The following FAM169A variants were observed in gnomAD, a reference collection of about 807,000 sequenced individuals.
FAM169A encodes soluble lamin-associated protein of 75 kDa.
A neutral mutation model predicts 75.7 loss-of-function variants in FAM169A; 24 were observed. The observed-to-expected ratio is 0.32, with a 90% CI of 0.23 to 0.45. The LOEUF (loss-of-function observed/expected upper bound fraction) is 0.45. FAM169A is among the 20% of genes least tolerant of loss of function. The pLI is 1.00. For missense variants in FAM169A, 673 were observed against 784.0 expected, an observed-to-expected ratio of 0.86 and a Z score of 1.69; for synonymous variants, 271 against 271.0, an observed-to-expected ratio of 1.00 and a Z score of 0.00.
chr5:74,801,612 A>T lies in FAM169A; in HGVS notation c.930T>A (p.Asp310Glu), dbSNP rs2112530646. The T allele has an allele frequency of 1.2e-6, 2 of 1,610,712 alleles. No homozygotes were observed. The highest frequency in any genetic ancestry group is 1.1e-5 in the South Asian group (1 of 90,326). The stretch of plus-strand genomic sequence containing the variant: ...TACCTTCGGAAGTGCTTGCAAAGGC[A>T]TCTTTTAGAGAATCAATCTAAAAAA... ...EMQLTIDSLK[D>E]AFASTSEGHD... Residue 310 changes from aspartate (D) to glutamate (E), a missense_variant, in exon 9 of 13, where the codon GAT becomes GAA. Around this residue, in one of 3 missense-constraint regions of FAM169A, gnomAD observed 510 missense variants for 550.9 expected, o/e 0.93. Coordinates refer to ENST00000687041, the MANE Select transcript of FAM169A (RefSeq NM_001376049.1).
At chr5:74,784,689 C>T (rs368303105) in intron 11 of FAM169A, among the ~76,000 whole-genome samples, 20 of 145,974 alleles carry the variant, frequency 1.4e-4, no homozygotes, top group Non-Finnish European at 2.2e-4. Flanking sequence ...GAGGCCGAGG[C>T]GGGCGGATCA....
rs370761667 is a variant in FAM169A at position 74,805,976 on chromosome 5, C to CAAAA, written c.671-696_671-693dup. On this transcript the variant is annotated intron_variant, in intron 6 of 12. Coordinates refer to ENST00000687041, the MANE Select transcript of FAM169A (RefSeq NM_001376049.1). ...CTATTATACATGAATTTAAAAGCTC[C>CAAAA]AAAAAAAAAAAAAAAAAGAAATAAT... 4.3e-4 allele frequency among the ~76,000 whole-genome samples: 37 copies of CAAAA among 85,234 alleles called. 1 individual carries two copies. Among genetic ancestry groups the CAAAA allele is most frequent in the African/African-American group, 9.8e-4 (23 of 23,430 alleles). The allele number at this position is 85,234 out of a possible 152,430, so 55.9% of individuals were successfully genotyped here.
At chr5:74,855,438 T>C (rs549999328) in intron 1 of FAM169A, among the ~76,000 whole-genome samples, 3 of 152,312 alleles carry the variant, frequency 2.0e-5, no homozygotes, top group African/African-American at 7.2e-5. Context: ...GCTCGAGCAA[T>C]CTGCCCACCT....
intron 1 of FAM169A, among the ~76,000 whole-genome samples, chr5:74,845,480 T>C (rs1462899609): frequency 1.3e-5 from 2 of 152,170 alleles, no homozygotes; most frequent in African/African-American, 4.8e-5. Flanking sequence ...ATTGTGCCAC[T>C]GCACTCCAGC....
Position 74,781,717 on chromosome 5 carries a change from G to A in FAM169A, c.1756C>T (p.Leu586Phe). ...ACCTCTATCAAAGAACTCTGAGGAA[G>A]AGCAGTAGATGTTTCCTGGGGCTCA... ...VSEPQETSTA[L>F]PQSSLIEVEL... is the part of the protein sequence containing the mutation. The change falls in exon 13 of 13, where the codon CTT becomes TTT. Residue 586 changes from leucine (L) to phenylalanine (F), a missense_variant. By Grantham distance (22) the Leu-to-Phe change is conservative. Transcript: ENST00000687041. 1 of 1,614,188 alleles carries A rather than the reference G, an allele frequency of 6.2e-7. No homozygotes were observed.
chr5:74,843,627 T>C (rs1748998724), intron 1 of FAM169A, among the ~76,000 whole-genome samples: 1 of 152,188 alleles, frequency 6.6e-6, no homozygotes, highest in African/African-American at 2.4e-5. Flanking sequence ...AAATGAGACA[T>C]TAATTTTGCT....
intron 5 of FAM169A, among the ~76,000 whole-genome samples, chr5:74,824,167 T>C (rs940703174): frequency 1.3e-5 from 2 of 152,176 alleles, no homozygotes; most frequent in African/African-American, 4.8e-5. Flanking sequence ...TGGGCTAAAC[T>C]GACTTATAGT....
chr5:74,844,142 G>A (rs575034519), intron 1 of FAM169A, among the ~76,000 whole-genome samples: 108 of 152,230 alleles, frequency 7.1e-4, no homozygotes, highest in Non-Finnish European at 1.1e-3. Context: ...GAGAGTATCC[G>A]GATTTATTTA....
rs1335492263 is a variant in FAM169A at position 74,777,984 on chromosome 5, T to C, written c.*3476A>G. On this transcript the variant is annotated 3_prime_UTR_variant, in exon 13 of 13. Transcript: ENST00000687041. ...CACTTGATGACAGAAGGTAAGCCTT[T>C]CTTACAATTAGATTTTAGCAGATAA... The C allele has an allele frequency of 2.0e-5, 3 of 152,078 alleles. No individual in the cohort carries two copies. Among genetic ancestry groups the C allele is most frequent in the African/African-American group, 7.2e-5 (3 of 41,446 alleles). 9.4% of individuals were successfully genotyped at this position (152,078 alleles called of 1,614,324 possible). A position where few individuals can be genotyped will look rare whatever the true frequency, so the allele number is the denominator to read the frequency against.
chr5:74,857,081 CCTG>C (rs1264195478), intron 1 of FAM169A, among the ~76,000 whole-genome samples: 4 of 144,808 alleles, frequency 2.8e-5, no homozygotes, highest in Non-Finnish European at 4.5e-5. Context: ...TGCACTCCAG[CCTG>C]GGCCACAGAG....
intron 5 of FAM169A, among the ~76,000 whole-genome samples, chr5:74,824,721 A>G (rs1561309361): frequency 6.6e-6 from 1 of 151,722 alleles, no homozygotes; most frequent in Non-Finnish European, 1.5e-5. Flanking sequence ...ACACACACAC[A>G]CACACACATA....
In FAM169A at chr5:74,804,549, C is replaced by A. The variant is rs907431799; in HGVS notation, c.856G>T (p.Val286Phe). 2 of 1,612,256 alleles carry A rather than the reference C, an allele frequency of 1.2e-6. No individual in the cohort carries two copies. Among genetic ancestry groups the A allele is most frequent in the Non-Finnish European group, 1.7e-6 (2 of 1,178,906 alleles). ...PMSGEYGPAS[V>F]PEYEARTEDN... ...TCAGTTCTTGCTTCGTATTCTGGAA[C>A]AGATGCAGGACCATATTCTCCAGAC... Residue 286 changes from valine (V) to phenylalanine (F), a missense_variant, in exon 8 of 13, where the codon GTT (valine) becomes TTT (phenylalanine). By Grantham distance (50) the Val-to-Phe change is conservative (BLOSUM62 -1). Coordinates refer to ENST00000687041, the MANE Select transcript of FAM169A (RefSeq NM_001376049.1).
At chr5:74,802,406 A>C (rs1014067970) in intron 8 of FAM169A, among the ~76,000 whole-genome samples, 2 of 152,054 alleles carry the variant, frequency 1.3e-5, no homozygotes, top group African/African-American at 4.8e-5. Flanking sequence ...AGAGGAAAAA[A>C]CTTTTAATGG....
intron 1 of FAM169A, among the ~76,000 whole-genome samples, chr5:74,851,793 T>C (rs923183048): frequency 1.3e-5 from 2 of 152,196 alleles, no homozygotes; most frequent in African/African-American, 4.8e-5. Context: ...TAATAAATCA[T>C]AAAATTGTGT....
chr5:74,837,712 A>C (rs574802190), intron 4 of FAM169A, among the ~76,000 whole-genome samples: 9 of 152,304 alleles, frequency 5.9e-5, no homozygotes, highest in Non-Finnish European at 1.0e-4. Context: ...CCCACAAAAA[A>C]AATGAACAGT....
rs1250667504 is a variant in FAM169A at position 74,844,517 on chromosome 5, T to C, written c.-3-2838A>G. On this transcript the variant is annotated intron_variant, in intron 1 of 12. Coordinates refer to ENST00000687041, the MANE Select transcript of FAM169A (RefSeq NM_001376049.1). Reference sequence around the variant, plus strand: ...AAGAAAAATTTCCATGATAAAAAATTAAATAAAAAATAAACTTATGGGCCA... The same window carrying C: ...AAGAAAAATTTCCATGATAAAAAATCAAATAAAAAATAAACTTATGGGCCA... 2.6e-5 allele frequency among the ~76,000 whole-genome samples: 4 copies of C among 151,056 alleles called. No individual in the cohort carries two copies. In the East Asian group the frequency reaches 7.7e-4, roughly 29 times the overall value.
At chr5:74,843,141 A>C (rs1748971099) in intron 1 of FAM169A, among the ~76,000 whole-genome samples, 1 of 152,104 alleles carries the variant, frequency 6.6e-6, no homozygotes, top group African/African-American at 2.4e-5. Context: ...AACAGCAAAA[A>C]TCAAAATAGG....
At chr5:74,858,022 T>C (rs1245585209) in intron 1 of FAM169A, among the ~76,000 whole-genome samples, 16 of 152,194 alleles carry the variant, frequency 1.1e-4, no homozygotes, top group Admixed American at 9.8e-4. Context: ...TTTTTAGATA[T>C]GTATTATATT....
intron 6 of FAM169A, among the ~76,000 whole-genome samples, chr5:74,809,167 A>G (rs950009194): frequency 1.2e-4 from 19 of 152,212 alleles, no homozygotes; most frequent in Non-Finnish European, 2.9e-5. Flanking sequence ...AATAAACAGT[A>G]GGATGGGAGA....
Sources: allele counts gnomAD v4.1 joint callset (sites outside exome capture counted in the v4.1 genomes callset), GRCh38; gene constraint gnomAD v4.1.1; regional missense constraint gnomAD v4.1.1; transcripts MANE v1.5; gene names NCBI Gene and HGNC (gene_info 2026-07-23, HGNC 2026-07-21).